GALNTL6: variants seen among roughly 807,000 people sequenced by gnomAD.
GALNTL6 encodes polypeptide N-acetylgalactosaminyltransferase-like 6.
A neutral mutation model predicts 73.7 loss-of-function variants in GALNTL6; 46 were observed. The observed-to-expected ratio is 0.62, with a 90% CI of 0.49 to 0.80. GALNTL6 has a LOEUF of 0.80. Ranked by LOEUF, GALNTL6 falls within the 30% of genes least tolerant of loss-of-function variation. GALNTL6 has a pLI of 0.00. For synonymous variants in GALNTL6, 259 were observed against 263.7 expected, an observed-to-expected ratio of 0.98 and a Z score of 0.17; for missense variants, 604 against 755.0, an observed-to-expected ratio of 0.80 and a Z score of 2.34.
chr4:172,850,825 A>G (rs1475846885), intron 7 of GALNTL6, among the ~76,000 whole-genome samples: 5 of 152,138 alleles, frequency 3.3e-5, no homozygotes. Context: ...ATGTTTACCC[A>G]TTTATCATAA....
chr4:172,765,217 G>A (rs1738338824), intron 5 of GALNTL6, among the ~76,000 whole-genome samples: 1 of 152,124 alleles, frequency 6.6e-6, no homozygotes, highest in Non-Finnish European at 1.5e-5. Flanking sequence ...TGTATTACAT[G>A]GAGAATGCAG....
At position 171,940,833 on chromosome 4, in the gene GALNTL6, A is replaced by AAATAAATG. The variant is rs1244418689; in HGVS notation, c.138+126122_138+126123insGAATAAAT. 2.5e-5 allele frequency among the ~76,000 whole-genome samples: 3 copies of AAATAAATG among 121,742 alleles called. 1 individual carries two copies. Among genetic ancestry groups the AAATAAATG allele is most frequent in the South Asian group, 5.8e-4 (2 of 3,466 alleles). 79.9% of individuals were successfully genotyped at this position (121,742 alleles called of 152,430 possible). ...ATTCCATCTCAGAAAATAAATAAAT[A>AAATAAATG]AATAAATAAATAAATAAATAAATAA... is the stretch of plus-strand genomic sequence containing the variant. On this transcript the variant is annotated intron_variant, in intron 2 of 12. Transcript: ENST00000506823.
At chr4:172,153,186 A>T (rs1734152332) in intron 2 of GALNTL6, among the ~76,000 whole-genome samples, 1 of 152,194 alleles carries the variant, frequency 6.6e-6, no homozygotes. Context: ...TACAGCTTTG[A>T]CATCTGAAGA....
chr4:172,441,309 T>C (rs768240500), intron 5 of GALNTL6, among the ~76,000 whole-genome samples: 2 of 152,126 alleles, frequency 1.3e-5, no homozygotes, highest in Non-Finnish European at 2.9e-5. Flanking sequence ...TATTATTATT[T>C]CTGTAAATCA....
At chr4:172,914,165 G>A (rs1412867140) in intron 8 of GALNTL6, among the ~76,000 whole-genome samples, 5 of 152,160 alleles carry the variant, frequency 3.3e-5, no homozygotes, top group Non-Finnish European at 7.3e-5. Context: ...ATAAGTGAAG[G>A]AGAAATAAAA....
intron 5 of GALNTL6, among the ~76,000 whole-genome samples, chr4:172,354,553 A>G (rs1408725509): frequency 1.3e-5 from 2 of 152,122 alleles, no homozygotes; most frequent in Non-Finnish European, 2.9e-5. Flanking sequence ...CTGTGGTCAG[A>G]TGTATGAACA....
At chr4:172,283,034 A>G (rs1471869517) in intron 3 of GALNTL6, among the ~76,000 whole-genome samples, 1 of 152,144 alleles carries the variant, frequency 6.6e-6, no homozygotes, top group African/African-American at 2.4e-5. Flanking sequence ...GCCATGCATC[A>G]TTGGGATCTG....
intron 5 of GALNTL6, among the ~76,000 whole-genome samples, chr4:172,401,932 A>G (rs1324672912): frequency 1.0e-5 from 1 of 98,646 alleles, no homozygotes; most frequent in Non-Finnish European, 2.0e-5. Flanking sequence ...AGAGAGGGAG[A>G]GAGGGGGAAA....
chr4:172,445,217 A>T (rs1249021844), intron 5 of GALNTL6, among the ~76,000 whole-genome samples: 2 of 152,154 alleles, frequency 1.3e-5, no homozygotes, highest in African/African-American at 4.8e-5. Context: ...GCTCATTTTA[A>T]TTCTTGCATT....
chr4:172,938,930 T>A, intron 9 of GALNTL6, among the ~76,000 whole-genome samples: 1 of 152,254 alleles, frequency 6.6e-6, no homozygotes, highest in Non-Finnish European at 1.5e-5. Context: ...GGCTGTCTAA[T>A]ACTTTTGCTC....
intron 5 of GALNTL6, among the ~76,000 whole-genome samples, chr4:172,703,621 T>G (rs1363636539): frequency 1.3e-5 from 2 of 152,036 alleles, no homozygotes; most frequent in African/African-American, 4.8e-5. Context: ...TTTTTGCATC[T>G]ATCTTTATCA....
chr4:172,324,184 C>T (rs534422422), intron 4 of GALNTL6, among the ~76,000 whole-genome samples: 41 of 151,988 alleles, frequency 2.7e-4, no homozygotes, highest in African/African-American at 8.4e-4. Flanking sequence ...AATATGTTAA[C>T]ATAATTAAGG....
Position 172,038,136 on chromosome 4 carries a change from A to G in GALNTL6, c.139-191520A>G, listed in dbSNP as rs1053977486. ...CTGTCTCAAAAAAAAAAACAAAAAAATTTAGAGATAATTTTCTCAGTCCTC... is the reference window on the plus strand; with the variant it reads ...CTGTCTCAAAAAAAAAAACAAAAAAGTTTAGAGATAATTTTCTCAGTCCTC... On this transcript the variant is annotated intron_variant, in intron 2 of 12. Coordinates refer to ENST00000506823, the MANE Select transcript of GALNTL6 (RefSeq NM_001034845.3). 3.3e-5 allele frequency among the ~76,000 whole-genome samples: 5 copies of G among 151,976 alleles called. No individual in the cohort carries two copies. The East Asian group carries it at 9.6e-4, about 29-fold the overall frequency.
chr4:172,394,415 T>G (rs1475453195), intron 5 of GALNTL6, among the ~76,000 whole-genome samples: 2 of 150,604 alleles, frequency 1.3e-5, no homozygotes, highest in African/African-American at 4.9e-5. Context: ...TTGCAATTTA[T>G]TTTCTTCTTC....
At chr4:172,328,361 G>A (rs960283060) in intron 4 of GALNTL6, among the ~76,000 whole-genome samples, 2 of 152,068 alleles carry the variant, frequency 1.3e-5, no homozygotes, top group African/African-American at 2.4e-5. Context: ...TGATGATTAT[G>A]TGTATTGAGG....
chr4:171,916,256 GAAAA>G (rs953832306), intron 2 of GALNTL6, among the ~76,000 whole-genome samples: 1 of 149,978 alleles, frequency 6.7e-6, no homozygotes, highest in African/African-American at 2.4e-5. Flanking sequence ...AAGAGATGCT[GAAAA>G]AAAAAGCAAA....
intron 2 of GALNTL6, among the ~76,000 whole-genome samples, chr4:171,967,105 C>T (rs1228653521): frequency 4.6e-5 from 7 of 152,192 alleles, no homozygotes; most frequent in Non-Finnish European, 2.9e-5. Flanking sequence ...TAACTACCCC[C>T]TACCCACTTA....
At chr4:172,594,043 A>T (rs1345379903) in intron 5 of GALNTL6, among the ~76,000 whole-genome samples, 1 of 152,174 alleles carries the variant, frequency 6.6e-6, no homozygotes, top group Non-Finnish European at 1.5e-5. Flanking sequence ...TTAAGTGTTT[A>T]ATGTTAGAAA....
At chr4:173,004,904 A>G (rs1173413945) in intron 10 of GALNTL6, among the ~76,000 whole-genome samples, 1 of 152,158 alleles carries the variant, frequency 6.6e-6, no homozygotes, top group African/African-American at 2.4e-5. Context: ...GAATGAACCC[A>G]CCACTTCTTA....
Sources: gnomAD v4.1 joint callset for allele counts (sites outside exome capture counted in the v4.1 genomes callset) on GRCh38, gnomAD v4.1.1 for gene constraint, MANE v1.5 for transcripts, NCBI Gene and HGNC (gene_info 2026-07-23, HGNC 2026-07-21) for gene names.